Variants in MUC13 observed in about 807,000 individuals in gnomAD.
MUC13 encodes the protein mucin-13.
Under a neutral mutation model 48.3 loss-of-function variants are expected in MUC13, and 32 were observed. The ratio of observed to expected loss-of-function variants is 0.66; its 90% confidence interval spans 0.50 to 0.89. The LOEUF (loss-of-function observed/expected upper bound fraction) is 0.89. Among genes scored for constraint, MUC13 ranks in the 40% least tolerant of loss-of-function variants. MUC13 has a pLI of 0.00. For synonymous variants in MUC13, 199 were observed against 224.9 expected (o/e 0.88, Z 1.03); for missense variants, 571 against 622.8 (o/e 0.92, Z 0.88).
chr3:124,934,251 A>C (rs1055267854), intron 1 of MUC13, among the ~76,000 whole-genome samples: 1 of 151,994 alleles, frequency 6.6e-6, no homozygotes, highest in African/African-American at 2.4e-5. Flanking sequence ...CCACTTCCCG[A>C]GTTCAAGCGA....
intron 10 of MUC13, among the ~76,000 whole-genome samples, chr3:124,910,136 G>T (rs1254775771): frequency 3.9e-5 from 6 of 152,158 alleles, no homozygotes; most frequent in African/African-American, 1.4e-4. Context: ...AAAAAAGTCA[G>T]TGGTACTAGA....
chr3:124,929,828 T>G lies in MUC13; in HGVS notation c.53-1835A>C, dbSNP rs567152232. Among the ~76,000 whole-genome samples, 6 of 152,264 alleles carry G rather than the reference T, an allele frequency of 3.9e-5. No individual in the cohort carries two copies. The South Asian group carries it at 1.2e-3, about 32-fold the overall frequency. On this transcript the variant is annotated intron_variant, in intron 1 of 11. Transcript: ENST00000616727. ...AGATGACAATGTCCTAACTATCACT[T>G]GATTAAAGTTATGGGGAAGGCCATC...
chr3:124,910,465 G>C lies in MUC13; in HGVS notation c.1287C>G (p.Ile429Met). ...FQLILTIVGT[I>M]AGIVILSMII... ...TCATGCTGAGAATGACAATGCCAGC[G>C]ATGGTGCCCACAATAGTGAGGATCA... Residue 429 changes from isoleucine (I) to methionine (M), a missense_variant, in exon 10 of 12, where the codon ATC becomes ATG. Coordinates refer to ENST00000616727, the MANE Select transcript of MUC13 (RefSeq NM_033049.4). The C allele has an allele frequency of 6.2e-7, 1 of 1,614,126 alleles. No homozygotes were observed. The highest frequency in any genetic ancestry group is 8.5e-7 in the Non-Finnish European group (1 of 1,179,980).
chr3:124,915,497 A>T lies in MUC13; in HGVS notation c.964+820T>A, dbSNP rs78149965. Among the ~76,000 whole-genome samples, 1,465 of 152,318 alleles carry T rather than the reference A, an allele frequency of 9.6e-3. 17 individuals are homozygous for T. The highest frequency in any genetic ancestry group is 0.028 in the African/African-American group (1,174 of 41,574). On this transcript the variant is annotated intron_variant, in intron 6 of 11. Transcript: ENST00000616727. The stretch of plus-strand genomic sequence containing the variant: ...CCCAGCAGCTAATGGCAGATGCTTA[A>T]GTGAGCCCAGCAGAGATCAATTAAG...
chr3:124,922,310 G>C lies in MUC13; in HGVS notation c.638-7C>G. The C allele has an allele frequency of 1.2e-6, 2 of 1,613,038 alleles. No individual in the cohort carries two copies. The highest frequency in any genetic ancestry group is 4.5e-5 in the East Asian group (2 of 44,816). ...TTCCCAGGGAATACCTTTCCTGAAA[G>C]TTAAGCAGAATCTTTCTGTACTATT... On this transcript the variant is annotated splice_region_variant and splice_polypyrimidine_tract_variant and intron_variant, in intron 3 of 11. Transcript: ENST00000616727.
intron 11 of MUC13, among the ~76,000 whole-genome samples, 169 bp downstream of exon 11, chr3:124,907,978 C>T (rs1244478374): frequency 3.9e-5 from 6 of 152,094 alleles, no homozygotes; most frequent in East Asian, 1.9e-4. Flanking sequence ...CTCAGAGTTA[C>T]GACAGCAGGG....
intron 4 of MUC13, among the ~76,000 whole-genome samples, chr3:124,921,120 C>T (rs1935587276): frequency 1.3e-5 from 2 of 151,610 alleles, no homozygotes; most frequent in Admixed American, 1.3e-4. Flanking sequence ...AATAAGACTT[C>T]AGCTTTAAAA....
At chr3:124,928,441 T>C (rs1485234212) in intron 1 of MUC13, among the ~76,000 whole-genome samples, 4 of 152,062 alleles carry the variant, frequency 2.6e-5, no homozygotes, top group African/African-American at 7.2e-5. Context: ...TGCAGTAGTG[T>C]GATCATAGTT....
Position 124,923,512 on chromosome 3 carries a change from TC to T in MUC13, c.637+14del, listed in dbSNP as rs1935637373. ...AGATACAGAGCTCAGCCATGGCTCA[TC>T]CCTTGTAACTCACCTTTCTTACATG... On this transcript the variant is annotated intron_variant, in intron 3 of 11. Coordinates refer to ENST00000616727, the MANE Select transcript of MUC13 (RefSeq NM_033049.4). The T allele has an allele frequency of 1.2e-6, 2 of 1,611,884 alleles. No homozygotes were observed. The highest frequency in any genetic ancestry group is 2.7e-5 in the African/African-American group (2 of 74,966).
intron 1 of MUC13, among the ~76,000 whole-genome samples, chr3:124,934,239 C>T (rs1935844695): frequency 6.6e-6 from 1 of 152,208 alleles, no homozygotes; most frequent in African/African-American, 2.4e-5. Context: ...TCACTGCAAC[C>T]TCCACTTCCC....
At chr3:124,933,691 G>A (rs1184744286) in intron 1 of MUC13, among the ~76,000 whole-genome samples, 3 of 152,200 alleles carry the variant, frequency 2.0e-5, no homozygotes, top group South Asian at 4.1e-4. Context: ...TCAAGATGGT[G>A]TATAAGCTTC....
In MUC13 at chr3:124,916,596, T is replaced by C; in HGVS notation, c.801-116A>G. On this transcript the variant is annotated intron_variant, in intron 5 of 11. Transcript: ENST00000616727. ...TAGTCCTGACCCGCTGTCCTGTCCCTATGATTCGGACCCACATATGGAGGC... is the reference window on the plus strand; with the variant it reads ...TAGTCCTGACCCGCTGTCCTGTCCCCATGATTCGGACCCACATATGGAGGC... The C allele has an allele frequency of 4.4e-6, 5 of 1,131,938 alleles. No homozygotes were observed. In the South Asian group the frequency reaches 7.0e-5, roughly 16 times the overall value. 70.1% of individuals were successfully genotyped at this position (1,131,938 alleles called of 1,614,324 possible).
At chr3:124,911,665 C>A (rs1310912558) in intron 9 of MUC13, among the ~76,000 whole-genome samples, 2 of 152,078 alleles carry the variant, frequency 1.3e-5, no homozygotes, top group East Asian at 3.8e-4. Context: ...CAAAATATCC[C>A]AAACCAGTAA....
chr3:124,914,580 C>T (rs920466123), intron 6 of MUC13, among the ~76,000 whole-genome samples: 1 of 152,142 alleles, frequency 6.6e-6, no homozygotes, highest in African/African-American at 2.4e-5. Context: ...AGAGATTCTA[C>T]AATTTTGGGC....
chr3:124,912,329 CTGGAAGGG>C (rs979481076), intron 8 of MUC13, 188 bp from the exon 9 acceptor site: 2 of 803,224 alleles, frequency 2.5e-6, no homozygotes, highest in African/African-American at 3.5e-5. Flanking sequence ...CCATGGGGTT[CTGGAAGGG>C]TGAGGGGGGT....
At chr3:124,928,751 G>C (rs1405301680) in intron 1 of MUC13, among the ~76,000 whole-genome samples, 1 of 152,200 alleles carries the variant, frequency 6.6e-6, no homozygotes, top group Non-Finnish European at 1.5e-5. Flanking sequence ...CGTAACTGTA[G>C]ATCAGGGTTT....
chr3:124,928,049 A>G (rs1401506661), intron 1 of MUC13, 56 bp from the exon 2 acceptor site: 1 of 1,211,314 alleles, frequency 8.3e-7, no homozygotes, highest in Non-Finnish European at 1.1e-6. Context: ...AACTAATGGC[A>G]GTTACTTAAT....
At chr3:124,915,768 C>T (rs903714769) in intron 6 of MUC13, among the ~76,000 whole-genome samples, 2 of 152,172 alleles carry the variant, frequency 1.3e-5, no homozygotes, top group Admixed American at 6.5e-5. Context: ...TCACTGCAGC[C>T]TCAACCTCCT....
intron 10 of MUC13, 55 bp from the exon 11 acceptor site, chr3:124,908,403 A>G (rs1171026211): frequency 2.3e-6 from 3 of 1,332,428 alleles, no homozygotes; most frequent in African/African-American, 1.5e-5. Context: ...TTCTTGAAGT[A>G]AATGTTAATG....
Sources: allele counts gnomAD v4.1 joint callset (sites outside exome capture counted in the v4.1 genomes callset), GRCh38; gene constraint gnomAD v4.1.1; transcripts MANE v1.5; gene names NCBI Gene and HGNC (gene_info 2026-07-23, HGNC 2026-07-21).